ADAMTS8: variants seen among roughly 807,000 people sequenced by gnomAD.
The protein encoded by ADAMTS8 is A disintegrin and metalloproteinase with thrombospondin motifs 8.
A neutral mutation model predicts 64.4 loss-of-function variants in ADAMTS8; 50 were observed. The ratio of observed to expected loss-of-function variants is 0.78; its 90% CI spans 0.62 to 0.98. ADAMTS8 has a LOEUF of 0.98. Among genes scored for constraint, ADAMTS8 ranks in the 50% least tolerant of loss-of-function variants. The pLI, the probability that ADAMTS8 is intolerant of heterozygous loss-of-function variation, is 0.00. For missense variants in ADAMTS8, 1,192 were observed against 1,208.2 expected, an observed-to-expected ratio of 0.99 and a Z score of 0.20; for synonymous variants, 556 against 533.6, an observed-to-expected ratio of 1.04 and a Z score of -0.58.
At chr11:130,414,138 T>G (rs1259916789) in intron 5 of ADAMTS8, among the ~76,000 whole-genome samples, 80 of 151,214 alleles carry the variant, frequency 5.3e-4, no homozygotes, top group African/African-American at 1.6e-3. Context: ...TTTTTTTTTT[T>G]TTGGAGACAG....
chr11:130,405,915 G>C lies in ADAMTS8; in HGVS notation c.2313C>G (p.Ala771=). 1.9e-6 allele frequency: 3 copies of C among 1,614,098 alleles called. No homozygotes were observed. Among genetic ancestry groups the C allele is most frequent in the Non-Finnish European group, 2.5e-6 (3 of 1,179,952 alleles). ...GGAAGCTCTGCAGGCGCTCCAGGGT[G>C]GCGATGGAGCCGCTGTACTTCAGGA... ...GTILKYSGSI[A]TLERLQSFRP... is the part of the protein sequence containing the mutation. Residue 771 remains alanine, a synonymous_variant, in exon 9 of 9, where the codon GCC becomes GCG. Coordinates refer to ENST00000257359, the MANE Select transcript of ADAMTS8 (RefSeq NM_007037.6).
chr11:130,411,764 T>A lies in ADAMTS8; in HGVS notation c.1567-164A>T. On this transcript the variant is annotated intron_variant, in intron 5 of 8. Coordinates refer to ENST00000257359, the MANE Select transcript of ADAMTS8 (RefSeq NM_007037.6). This position sits in a 1 kb window ranked among gnomAD's most constrained non-coding sequence, Gnocchi z 4.2. The stretch of plus-strand genomic sequence containing the variant: ...TCATTTGTTTAATGACTGTGTGGCC[T>A]GCATGGCTTTGTGAGCACAGAGACC... The A allele has an allele frequency of 1.0e-5, 6 of 576,562 alleles. No individual in the cohort carries two copies. The highest frequency in any genetic ancestry group is 1.6e-5 in the Non-Finnish European group (6 of 369,816). The allele number at this position is 576,562 out of a possible 1,614,324, so 35.7% of individuals were successfully genotyped here.
chr11:130,424,641 G>A (rs1021770212), intron 1 of ADAMTS8, among the ~76,000 whole-genome samples: 1 of 152,214 alleles, frequency 6.6e-6, no homozygotes, highest in Admixed American at 6.5e-5. Flanking sequence ...TTTGCAGGAG[G>A]TGGGTGTGGG....
At position 130,410,772 on chromosome 11, in the gene ADAMTS8, A is replaced by T. The variant is rs4936098; in HGVS notation, c.1750+645T>A. 3.3e-5 allele frequency among the ~76,000 whole-genome samples: 5 copies of T among 152,046 alleles called. No homozygotes were observed. In the East Asian group the frequency reaches 7.7e-4, roughly 23 times the overall value. On this transcript the variant is annotated intron_variant, in intron 6 of 8. Transcript: ENST00000257359. ...CTTTACTGCCTCTAAGTTAATGTTC[A>T]TGGTTTCCAGCAGGTACTGGGGATA... is the stretch of plus-strand genomic sequence containing the variant.
At chr11:130,427,078 A>G (rs1336391500) in intron 1 of ADAMTS8, among the ~76,000 whole-genome samples, 1 of 152,270 alleles carries the variant, frequency 6.6e-6, no homozygotes, top group Non-Finnish European at 1.5e-5. Context: ...GGCGACCTCC[A>G]TACCCAAGGG....
In ADAMTS8 at chr11:130,405,567, G is replaced by T; in HGVS notation, c.2661C>A (p.Cys887Ter). The T allele has an allele frequency of 6.2e-7, 1 of 1,602,852 alleles. No individual in the cohort carries two copies. Among genetic ancestry groups the T allele is most frequent in the Non-Finnish European group, 8.5e-7 (1 of 1,172,708 alleles). The change falls in exon 9 of 9, where the codon TGC becomes TGA. Residue 887 changes from cysteine (C) to a stop codon, truncating the protein, a stop_gained. Coordinates refer to ENST00000257359, the MANE Select transcript of ADAMTS8 (RefSeq NM_007037.6). LOFTEE classifies it high-confidence loss of function. ...EDAKPCESQL[C>*]PL ...CCCCTGCCCCCCTGAATCACAGGGG[G>T]CACAGCTGGCTTTCGCAGGGCTTGG...
intron 5 of ADAMTS8, among the ~76,000 whole-genome samples, chr11:130,414,110 G>A (rs1032752831): frequency 9.3e-5 from 14 of 149,932 alleles, no homozygotes; most frequent in Non-Finnish European, 1.6e-4. Context: ...AGCCTGGCCC[G>A]AAGTTTCTTT....
In ADAMTS8 at chr11:130,416,299, G is replaced by C; in HGVS notation, c.1128C>G (p.Ser376=). 2 of 1,573,140 alleles carry C rather than the reference G, an allele frequency of 1.3e-6. No individual in the cohort carries two copies. The highest frequency in any genetic ancestry group is 1.7e-6 in the Non-Finnish European group (2 of 1,159,592). The change falls in exon 4 of 9, where the codon TCC becomes TCG. Residue 376 remains serine, a synonymous_variant. Transcript: ENST00000257359. This position sits in a 1 kb window ranked among gnomAD's most constrained non-coding sequence, Gnocchi z 4.8. ...GCCCGAAGAGCCGTGTGCAGGGCTT[G>C]GAGTCGTCGTGGGGCATGCTGAGGA... The part of the protein sequence containing the change: ...GHVLSMPHDD[S]KPCTRLFGPM...
intron 6 of ADAMTS8, among the ~76,000 whole-genome samples, chr11:130,410,633 C>G (rs917774054): frequency 6.6e-6 from 1 of 152,232 alleles, no homozygotes; most frequent in Admixed American, 6.5e-5. Context: ...TCCTAAGGCT[C>G]TGCCTGATTT....
intron 1 of ADAMTS8, among the ~76,000 whole-genome samples, chr11:130,421,372 C>T (rs779216006): frequency 7.9e-5 from 12 of 152,192 alleles, no homozygotes; most frequent in Non-Finnish European, 1.3e-4. Flanking sequence ...CAGGGAGCCT[C>T]CTTCTCTACA....
Position 130,406,092 on chromosome 11 carries a change from A to G in ADAMTS8, c.2136T>C (p.Gly712=), listed in dbSNP as rs1042808175. 22 of 1,612,142 alleles carry G rather than the reference A, an allele frequency of 1.4e-5. No homozygotes were observed. The African/African-American group carries it at 2.8e-4, about 21-fold the overall frequency. ...GYNDIVTIPA[G]ATNIDVKQRS... ...GCTGCTTCACGTCAATATTAGTGGC[A>G]CCAGCTGGGATGGTGACAATGTCAT... Residue 712 remains glycine (G), a synonymous_variant, in exon 9 of 9, where the codon GGT becomes GGC. Transcript: ENST00000257359.
intron 8 of ADAMTS8, 22 bp downstream of exon 8, chr11:130,408,442 C>A: frequency 6.2e-7 from 1 of 1,612,596 alleles, no homozygotes. Flanking sequence ...AAGCAAGGTA[C>A]AGAACTTCTG....
chr11:130,408,926 C>T lies in ADAMTS8; in HGVS notation c.1765G>A (p.Glu589Lys). ...GCATTATACTTCTCACACTGCTGCT[C>T]CCTGAAGCTTTTCCCTAGAAAGAGG... ...ECPPDGKSFR[E>K]QQCEKYNAYN... is the part of the protein sequence containing the mutation. The change falls in exon 7 of 9, where the codon GAG (glutamate) becomes AAG (lysine). Residue 589 changes from glutamate (E) to lysine (K), a missense_variant. Around this residue, in one of 5 missense-constraint regions of ADAMTS8, gnomAD observed 290 missense variants for 297.8 expected, o/e 0.97. Coordinates refer to ENST00000257359, the MANE Select transcript of ADAMTS8 (RefSeq NM_007037.6). 6.5e-7 allele frequency: 1 copy of T among 1,542,180 alleles called. No individual in the cohort carries two copies. The highest frequency in any genetic ancestry group is 8.7e-7 in the Non-Finnish European group (1 of 1,143,592).
chr11:130,410,443 C>T (rs181822248), intron 6 of ADAMTS8, among the ~76,000 whole-genome samples: 1 of 152,318 alleles, frequency 6.6e-6, no homozygotes, highest in African/African-American at 2.4e-5. Context: ...CATTCTCATC[C>T]TCCCCCTTTC....
At chr11:130,410,719 T>C (rs1861941745) in intron 6 of ADAMTS8, among the ~76,000 whole-genome samples, 2 of 152,230 alleles carry the variant, frequency 1.3e-5, no homozygotes, top group Admixed American at 1.3e-4. Context: ...CTTGTAATGA[T>C]TTCCCTCTCA....
rs1447852256 is a variant in ADAMTS8, at chr11:130,405,903, G to T, written c.2325C>A (p.Arg775=). 7.4e-6 allele frequency: 12 copies of T among 1,613,978 alleles called. No homozygotes were observed. The highest frequency in any genetic ancestry group is 1.0e-5 in the Non-Finnish European group (12 of 1,179,968). Residue 775 remains arginine (R), a synonymous_variant, in exon 9 of 9, where the codon CGC becomes CGA. Coordinates refer to ENST00000257359, the MANE Select transcript of ADAMTS8 (RefSeq NM_007037.6). ...CTGGCAAGGGCCGGAAGCTCTGCAG[G>T]CGCTCCAGGGTGGCGATGGAGCCGC... The part of the protein sequence containing the change: ...KYSGSIATLE[R]LQSFRPLPEP...
At chr11:130,420,442 G>A (rs1384401667) in intron 1 of ADAMTS8, among the ~76,000 whole-genome samples, 1 of 152,158 alleles carries the variant, frequency 6.6e-6, no homozygotes, top group East Asian at 1.9e-4. Context: ...CAGAGGCAGA[G>A]GTGGGTGTTC....
At chr11:130,414,397 A>G in intron 5 of ADAMTS8, 134 bp downstream of exon 5, 3 of 1,142,344 alleles carry the variant, frequency 2.6e-6, no homozygotes, top group Non-Finnish European at 3.6e-6. Context: ...TTCCAGTGTG[A>G]GCCGCTCTGC....
intron 8 of ADAMTS8, among the ~76,000 whole-genome samples, chr11:130,407,767 T>C (rs78532548): frequency 0.014 from 2,098 of 152,332 alleles, 62 homozygotes; most frequent in African/African-American, 0.046. Flanking sequence ...CTGGCTGTCA[T>C]TAACCATCAA....
Sources: gnomAD v4.1 joint callset for allele counts (sites outside exome capture counted in the v4.1 genomes callset) on GRCh38, gnomAD v4.1.1 for gene constraint, gnomAD v4.1.1 regional missense constraint, Gnocchi (gnomAD v3.1) non-coding constraint, MANE v1.5 for transcripts, NCBI Gene and HGNC (gene_info 2026-07-23, HGNC 2026-07-21) for gene names.